Variants in CDHR2 observed in about 807,000 individuals in gnomAD.
CDHR2 encodes the protein cadherin-related family member 2.
In CDHR2, 104 loss-of-function variants were observed where a neutral mutation model predicts 138.6. That is an observed-to-expected ratio of 0.75 (90% CI 0.64 to 0.88). The LOEUF is 0.88. Ranked by LOEUF, CDHR2 falls within the 40% of genes least tolerant of loss-of-function variation. The pLI is 0.00. For missense variants in CDHR2, 1,624 were observed against 1,727.6 expected, an observed-to-expected ratio of 0.94 and a Z score of 1.06; for synonymous variants, 755 against 742.8, an observed-to-expected ratio of 1.02 and a Z score of -0.27.
intron 7 of CDHR2, among the ~76,000 whole-genome samples, 166 bp downstream of exon 7, chr5:176,574,338 C>A (rs572426554): frequency 6.6e-6 from 1 of 152,314 alleles, no homozygotes; most frequent in South Asian, 2.1e-4. Flanking sequence ...CCGGAAACCT[C>A]GCCTTGCCCG....
At chr5:176,566,043 A>G (rs1215264535) in intron 3 of CDHR2, among the ~76,000 whole-genome samples, 2 of 149,246 alleles carry the variant, frequency 1.3e-5, no homozygotes, top group African/African-American at 4.9e-5. Context: ...CCCTTGGGCC[A>G]CGCTTCCTCC....
chr5:176,581,002 C>T (rs1484781297), intron 16 of CDHR2, among the ~76,000 whole-genome samples: 1 of 150,084 alleles, frequency 6.7e-6, no homozygotes, highest in Non-Finnish European at 1.5e-5. Context: ...ATTTCCTGCC[C>T]CCATATCCCC....
intron 28 of CDHR2, 27 bp downstream of exon 28, chr5:176,590,714 C>T (rs1450619418): frequency 6.2e-7 from 1 of 1,611,908 alleles, no homozygotes; most frequent in African/African-American, 1.3e-5. Context: ...CCCCGTGTCT[C>T]CAACCTTCAC....
In CDHR2 at chr5:176,557,687, TTTC is replaced by T. The variant is rs1282904224; in HGVS notation, c.-15-7648_-15-7646del. ...CTAAGTCATTATCTGTTGATTTTTTTTTCTTTCTTTCTTTCTTTCTTTCTTTTT... is the reference window on the plus strand; with the variant it reads ...CTAAGTCATTATCTGTTGATTTTTTTTTTCTTTCTTTCTTTCTTTCTTTTT... On this transcript the variant is annotated intron_variant, in intron 1 of 31. Coordinates refer to ENST00000261944, the MANE Select transcript of CDHR2 (RefSeq NM_017675.6). Among the ~76,000 whole-genome samples, 8 of 18,228 alleles carry T rather than the reference TTTC, an allele frequency of 4.4e-4. 1 individual carries two copies. Among genetic ancestry groups the T allele is most frequent in the Middle Eastern group, 0.33 (2 of 6 alleles). The allele number at this position is 18,228 out of a possible 152,430, so 12.0% of individuals were successfully genotyped here. A position where few individuals can be genotyped will look rare whatever the true frequency, so the allele number is the denominator to read the frequency against.
intron 1 of CDHR2, among the ~76,000 whole-genome samples, chr5:176,552,257 T>C (rs1055202598): frequency 6.6e-6 from 1 of 152,220 alleles, no homozygotes; most frequent in African/African-American, 2.4e-5. Flanking sequence ...ACCAACTGCC[T>C]GAACACAGCT....
chr5:176,578,577 A>G lies in CDHR2; in HGVS notation c.1787A>G (p.Glu596Gly), dbSNP rs1758458508. ...VSGSYNIFVQ[E>G]EEGNVSVTIQ... ...GGCTCCTACAACATCTTCGTCCAGG[A>G]GGAGGAGGGCAATGTCTCCGTGACC... The change falls in exon 16 of 32, where the codon GAG (glutamate) becomes GGG (glycine). Residue 596 changes from glutamate (E) to glycine (G), a missense_variant. Physicochemically the swap from Glu to Gly is moderately conservative, Grantham distance 98. Transcript: ENST00000261944. 2 of 1,613,140 alleles carry G rather than the reference A, an allele frequency of 1.2e-6. No individual in the cohort carries two copies. Among genetic ancestry groups the G allele is most frequent in the Admixed American group, 1.7e-5 (1 of 59,994 alleles).
chr5:176,590,688 G>A lies in CDHR2; in HGVS notation c.3539+1G>A. The A allele has an allele frequency of 6.2e-7, 1 of 1,612,974 alleles. No homozygotes were observed. Among genetic ancestry groups the A allele is most frequent in the Non-Finnish European group, 8.5e-7 (1 of 1,180,002 alleles). ...TGGCCTTCGTGTGTGTGCGGAAGAG[G>A]TGCGGCTCCCATTGCCCCCGTGTCT... On this transcript the variant is annotated splice_donor_variant, in intron 28 of 31. Coordinates refer to ENST00000261944, the MANE Select transcript of CDHR2 (RefSeq NM_017675.6). LOFTEE classifies it high-confidence loss of function.
At chr5:176,586,557 C>G (rs1271454515) in intron 20 of CDHR2, 1 of 540,368 alleles carries the variant, frequency 1.9e-6, no homozygotes, top group African/African-American at 1.9e-5. Flanking sequence ...CCAGGACTTC[C>G]CTCTCTGGGC....
chr5:176,568,796 G>A lies in CDHR2; in HGVS notation c.243G>A (p.Leu81=), dbSNP rs1758144712. 5.0e-6 allele frequency: 8 copies of A among 1,614,096 alleles called. No individual in the cohort carries two copies. Among genetic ancestry groups the A allele is most frequent in the South Asian group, 3.3e-5 (3 of 91,096 alleles). The change falls in exon 4 of 32, where the codon CTG becomes CTA. Residue 81 remains leucine (L), a synonymous_variant. Coordinates refer to ENST00000261944, the MANE Select transcript of CDHR2 (RefSeq NM_017675.6). ...AVTPKTGEVK[L]ASALDYETLY... The stretch of plus-strand genomic sequence containing the variant: ...CTCCGAAAACTGGGGAAGTGAAGCT[G>A]GCCAGCGCTCTGGACTACGAGGTAA...
In CDHR2 at chr5:176,589,512, C is replaced by T. The variant is rs750253134; in HGVS notation, c.3118-16C>T. The T allele has an allele frequency of 5.0e-6, 8 of 1,613,820 alleles. No individual in the cohort carries two copies. In the South Asian group the frequency reaches 6.6e-5, roughly 13 times the overall value. The stretch of plus-strand genomic sequence containing the variant: ...AGGGTCCCTGGTGCCTCATCTCCTG[C>T]ACACCCCCTTCCCAGCTCTTCACCG... On this transcript the variant is annotated splice_polypyrimidine_tract_variant and intron_variant, in intron 23 of 31. Transcript: ENST00000261944.
chr5:176,569,856 A>G (rs1203815097), intron 5 of CDHR2, among the ~76,000 whole-genome samples: 3 of 151,930 alleles, frequency 2.0e-5, no homozygotes, highest in African/African-American at 7.3e-5. Context: ...ACTACTCAGG[A>G]GGCTGAGGCA....
intron 1 of CDHR2, among the ~76,000 whole-genome samples, chr5:176,557,947 C>T (rs1221695027): frequency 6.6e-6 from 1 of 151,924 alleles, no homozygotes; most frequent in Non-Finnish European, 1.5e-5. Flanking sequence ...ACCGCGTGAT[C>T]CACCCGCCTT....
chr5:176,575,753 G>A lies in CDHR2; in HGVS notation c.874G>A (p.Gly292Arg), dbSNP rs547118396. The A allele has an allele frequency of 8.9e-6, 14 of 1,568,920 alleles. No homozygotes were observed. The East Asian group carries it at 9.5e-5, about 11-fold the overall frequency. ...CACGCGGCCCGGCTGGTTTGACATCGGGGCAGATGGGGTGATCAGGGTCAA... is the reference window on the plus strand; with the variant it reads ...CACGCGGCCCGGCTGGTTTGACATCAGGGCAGATGGGGTGATCAGGGTCAA... Reference protein sequence around the residue: ...YSTRPGWFDIGADGVIRVNGS... With the variant: ...YSTRPGWFDIRADGVIRVNGS... Residue 292 changes from glycine to arginine, a missense_variant, in exon 11 of 32, where the codon GGG (glycine) becomes AGG (arginine). This residue lies in a region of CDHR2 where 1,061 missense variants were observed against 1,136.6 expected (regional missense o/e 0.93). Transcript: ENST00000261944.
intron 17 of CDHR2, 21 bp downstream of exon 17, chr5:176,581,603 G>T (rs752386342): frequency 6.2e-7 from 1 of 1,606,982 alleles, no homozygotes; most frequent in South Asian, 1.1e-5. Flanking sequence ...GCTTAGCCAG[G>T]ATGGGCCTGG....
chr5:176,591,627 GTGGTGA>G (rs1758850604), intron 30 of CDHR2, 143 bp downstream of exon 30: 2 of 675,274 alleles, frequency 3.0e-6, no homozygotes, highest in South Asian at 1.6e-5. Flanking sequence ...TATGGTGGTG[GTGGTGA>G]TGGTAGTGAG....
intron 1 of CDHR2, among the ~76,000 whole-genome samples, chr5:176,558,853 C>T (rs958479598): frequency 6.6e-6 from 1 of 152,208 alleles, no homozygotes; most frequent in Non-Finnish European, 1.5e-5. Flanking sequence ...ATCATAAGTT[C>T]ATCCCTTCAC....
At chr5:176,557,059 A>G (rs1325126870) in intron 1 of CDHR2, among the ~76,000 whole-genome samples, 2 of 144,650 alleles carry the variant, frequency 1.4e-5, no homozygotes, top group Non-Finnish European at 3.0e-5. Context: ...CTGTTGCCCA[A>G]GGCTGGAGTG....
chr5:176,574,561 A>G (rs1758318669), intron 7 of CDHR2, among the ~76,000 whole-genome samples: 1 of 152,246 alleles, frequency 6.6e-6, no homozygotes, highest in Non-Finnish European at 1.5e-5. Flanking sequence ...ACTTGGCTCC[A>G]GGATCCCTGA....
intron 3 of CDHR2, among the ~76,000 whole-genome samples, chr5:176,566,477 G>A (rs557749837): frequency 1.2e-4 from 18 of 152,316 alleles, no homozygotes; most frequent in African/African-American, 4.1e-4. Flanking sequence ...GGGTTGGTTG[G>A]GACCCCAAAT....
Sources: allele counts gnomAD v4.1 joint callset (sites outside exome capture counted in the v4.1 genomes callset), GRCh38; gene constraint gnomAD v4.1.1; regional missense constraint gnomAD v4.1.1; transcripts MANE v1.5; gene names NCBI Gene and HGNC (gene_info 2026-07-23, HGNC 2026-07-21).